Variants in LZTR1 observed in about 807,000 individuals in gnomAD.
LZTR1 encodes leucine-zipper-like transcriptional regulator 1.
LZTR1 carries 260 observed loss-of-function variants against 105.7 expected under a neutral mutation model. The observed-to-expected ratio is 2.46, with a 90% CI of 2.22 to 2.72. LZTR1 has a LOEUF of 2.72. LZTR1 is among the 30% of genes most tolerant of loss of function. The probability of loss-of-function intolerance (pLI) is 0.00; values close to 1 mark genes in which losing one functional copy is unlikely to be tolerated. For missense variants in LZTR1, 1,214 were observed against 1,166.9 expected, an observed-to-expected ratio of 1.04 and a Z score of -0.59; for synonymous variants, 490 against 476.4, an observed-to-expected ratio of 1.03 and a Z score of -0.37.
Position 20,991,802 on chromosome 22 carries a change from G to A in LZTR1, c.966G>A (p.Glu322=), listed in dbSNP as rs1335102299. The change falls in exon 9 of 21, where the codon GAG becomes GAA. Residue 322 remains glutamate (E), a synonymous_variant. Transcript: ENST00000646124. ...HCYDVDFQTW[E]VVQPSSDSEV... is the part of the protein sequence containing the mutation. ...ATGACGTGGACTTCCAGACCTGGGA[G>A]GTCGTCCAGCCCAGCTCCGACAGCG... 3 of 1,551,348 alleles carry A rather than the reference G, an allele frequency of 1.9e-6. No homozygotes were observed. The highest frequency in any genetic ancestry group is 2.6e-6 in the Non-Finnish European group (3 of 1,147,262).
At chr22:20,988,654 A>T (rs530939661) in intron 5 of LZTR1, 135 bp from the exon 6 acceptor site, 32 of 668,188 alleles carry the variant, frequency 4.8e-5, no homozygotes, top group Admixed American at 3.2e-4. Flanking sequence ...TGCCTTGTGG[A>T]GGTCCTGAAG....
At position 20,998,757 on chromosome 22, in the gene LZTR1, G is replaced by C. The variant is rs1473684625; in HGVS notation, c.*1409G>C. 3 of 152,302 alleles carry C rather than the reference G, an allele frequency of 2.0e-5. No homozygotes were observed. Among genetic ancestry groups the C allele is most frequent in the African/African-American group, 7.2e-5 (3 of 41,452 alleles). 9.4% of individuals were successfully genotyped at this position (152,302 alleles called of 1,614,324 possible). Reference sequence around the variant, plus strand: ...GACCATGGCTGGGGAGGATATGTCAGCACCTGGAAGTGGAGTGCAGGCTGC... The same window carrying C: ...GACCATGGCTGGGGAGGATATGTCACCACCTGGAAGTGGAGTGCAGGCTGC... On this transcript the variant is annotated 3_prime_UTR_variant, in exon 21 of 21. Transcript: ENST00000646124.
At chr22:20,994,314 G>A (rs1924730722) in intron 14 of LZTR1, 45 bp downstream of exon 14, 1 of 1,576,392 alleles carries the variant, frequency 6.3e-7, no homozygotes, top group Non-Finnish European at 8.6e-7. Context: ...GGGCTGGGGT[G>A]CGGGCAGCAG....
intron 8 of LZTR1, chr22:20,991,145 C>T (rs2147964562): frequency 6.0e-6 from 1 of 166,742 alleles, no homozygotes; most frequent in East Asian, 1.8e-4. Flanking sequence ...GCTAACTTAG[C>T]AAAAGAGAGG....
rs1298763231 is a variant in LZTR1 at position 20,994,119 on chromosome 22, G to A, written c.1465G>A (p.Ala489Thr). Residue 489 changes from alanine to threonine, a missense_variant, in exon 14 of 21, where the codon GCC becomes ACC. Transcript: ENST00000646124. ...ERLAQKLEQE[A>T]APVPREAPGV... Reference sequence around the variant, plus strand: ...CTCCCCACAGAAGCTGGAGCAGGAGGCCGCCCCAGTTCCCAGGGAGGCCCC... The same window carrying A: ...CTCCCCACAGAAGCTGGAGCAGGAGACCGCCCCAGTTCCCAGGGAGGCCCC... 6.3e-7 allele frequency: 1 copy of A among 1,581,398 alleles called. No homozygotes were observed.
At position 20,996,089 on chromosome 22, in the gene LZTR1, C is replaced by A. The variant is rs1212520016; in HGVS notation, c.2196C>A (p.Val732=). 2 of 1,612,968 alleles carry A rather than the reference C, an allele frequency of 1.2e-6. No homozygotes were observed. Among genetic ancestry groups the A allele is most frequent in the East Asian group, 4.5e-5 (2 of 44,876 alleles). Residue 732 remains valine (V), a synonymous_variant, in exon 18 of 21, where the codon GTC becomes GTA. Transcript: ENST00000646124. ...SMLRYIYYGE[V]NMPPEDSLYL... ...TGCGCTACATCTACTACGGCGAGGT[C>A]AACATGCCGCCCGAGGACTCGCTGC...
chr22:20,992,621 A>C (rs1200170394), intron 10 of LZTR1, 173 bp from the exon 11 acceptor site: 5 of 628,826 alleles, frequency 8.0e-6, no homozygotes, highest in Non-Finnish European at 1.4e-5. Flanking sequence ...ACTCGCCTAC[A>C]TGGGTACCAG....
chr22:20,984,839 G>T (rs932329987), intron 2 of LZTR1, among the ~76,000 whole-genome samples: 15 of 152,208 alleles, frequency 9.9e-5, no homozygotes, highest in Non-Finnish European at 2.2e-4. Flanking sequence ...TTCTTCCCAA[G>T]GGCTGGGTAG....
intron 15 of LZTR1, 32 bp downstream of exon 15, chr22:20,994,759 G>GGGTCAGCGCAATCAGGGGTGC (rs764679520): frequency 6.2e-7 from 1 of 1,609,316 alleles, no homozygotes; most frequent in South Asian, 1.1e-5. Flanking sequence ...ATCAGGGTTG[G>GGGTCAGCGCAATCAGGGGTGC]GTGGGGTGTG....
chr22:20,994,368 C>A, intron 14 of LZTR1, 99 bp downstream of exon 14: 2 of 1,391,694 alleles, frequency 1.4e-6, no homozygotes, highest in Non-Finnish European at 2.0e-6. Context: ...CTGATGGGCC[C>A]CCTGAGGCTC....
At chr22:20,987,700 A>C (rs1601717108) in intron 4 of LZTR1, 117 bp downstream of exon 4, 1 of 950,914 alleles carries the variant, frequency 1.1e-6, no homozygotes, top group South Asian at 1.4e-5. Flanking sequence ...CTCTCTCTCC[A>C]CCCGTGGCTT....
At chr22:20,996,422 G>C (rs1924848098) in intron 18 of LZTR1, 1 of 592,050 alleles carries the variant, frequency 1.7e-6, no homozygotes, top group African/African-American at 1.9e-5. Flanking sequence ...TGTCACTTCA[G>C]TAGGGGTCTG....
In LZTR1 at chr22:20,998,056, T is replaced by A. The variant is rs1924942890; in HGVS notation, c.*708T>A. ...GGGAAGAAGCCAGCAAAGTCCCCCG[T>A]GTCCCTTGCTGAGTATTCTGTCACA... On this transcript the variant is annotated 3_prime_UTR_variant, in exon 21 of 21. Transcript: ENST00000646124. 6.6e-6 allele frequency: 1 copy of A among 152,290 alleles called. No individual in the cohort carries two copies. The highest frequency in any genetic ancestry group is 2.1e-4 in the South Asian group (1 of 4,836). 9.4% of individuals were successfully genotyped at this position (152,290 alleles called of 1,614,324 possible).
chr22:20,990,699 A>G (rs1232995419), intron 8 of LZTR1, 174 bp downstream of exon 8: 1 of 658,382 alleles, frequency 1.5e-6, no homozygotes. Context: ...GCAGGTCCCC[A>G]GGATATGGCT....
chr22:20,993,900 G>A (rs1166410932), intron 12 of LZTR1, 24 bp from the exon 13 acceptor site: 4 of 1,605,532 alleles, frequency 2.5e-6, no homozygotes, highest in Non-Finnish European at 3.4e-6. Flanking sequence ...TGTGCCCTCT[G>A]CCAGTGCATC....
At position 20,991,691 on chromosome 22, in the gene LZTR1, C is replaced by T. The variant is rs140612093; in HGVS notation, c.855C>T (p.Tyr285=). 164 of 1,603,174 alleles carry T rather than the reference C, an allele frequency of 1.0e-4. No individual in the cohort carries two copies. The African/African-American group carries it at 1.4e-3, about 13-fold the overall frequency. ...CCCCACCACCCCCGCAGCGGCGCTA[C>T]GGGCATACCATGGTGGCCTTTGACC... The part of the protein sequence containing the change: ...RGSPPPPQRR[Y]GHTMVAFDRH... The change falls in exon 9 of 21, where the codon TAC becomes TAT. Residue 285 remains tyrosine (Y), a synonymous_variant. Transcript: ENST00000646124.
chr22:20,993,271 G>A, intron 11 of LZTR1: 1 of 429,470 alleles, frequency 2.3e-6, no homozygotes, highest in Non-Finnish European at 4.3e-6. Context: ...AGGTGGTCAG[G>A]GCAGGGACTC....
intron 8 of LZTR1, 89 bp from the exon 9 acceptor site, chr22:20,991,539 G>C (rs1272500318): frequency 6.7e-6 from 7 of 1,037,064 alleles, no homozygotes; most frequent in Non-Finnish European, 9.8e-6. Flanking sequence ...GATGCAGGGG[G>C]ACCTCCCAGT....
At chr22:20,997,088 G>C in intron 20 of LZTR1, 122 bp downstream of exon 20, 1 of 1,188,094 alleles carries the variant, frequency 8.4e-7, no homozygotes, top group East Asian at 2.4e-5. Context: ...GAGAGAAGCA[G>C]AGCAGCCCAT....
Sources: gnomAD v4.1 joint callset for allele counts (sites outside exome capture counted in the v4.1 genomes callset) on GRCh38, gnomAD v4.1.1 for gene constraint, MANE v1.5 for transcripts, NCBI Gene and HGNC (gene_info 2026-07-23, HGNC 2026-07-21) for gene names.